Variants in ABCC8 observed in about 807,000 individuals in gnomAD.
The protein encoded by ABCC8 is ATP-binding cassette sub-family C member 8.
Under a neutral mutation model 188.0 loss-of-function variants are expected in ABCC8, and 137 were observed. The observed-to-expected ratio is 0.73, with a 90% CI of 0.63 to 0.84. The LOEUF is 0.84. ABCC8 is among the 40% of genes least tolerant of loss of function. The pLI, the probability that ABCC8 is intolerant of heterozygous loss-of-function variation, is 0.00. For synonymous variants in ABCC8, 797 were observed against 846.5 expected (o/e 0.94, Z 1.01); for missense variants, 1,750 against 2,072.7 (o/e 0.84, Z 3.02).
intron 16 of ABCC8, among the ~76,000 whole-genome samples, chr11:17,419,276 A>G (rs1041426862): frequency 5.3e-5 from 8 of 152,234 alleles, no homozygotes; most frequent in African/African-American, 7.2e-5. Context: ...GGAAGCACAC[A>G]GCTGAAAGCA....
At chr11:17,393,620 C>T (rs1953743958) in intron 38 of ABCC8, 77 bp downstream of exon 38, 3 of 1,599,228 alleles carry the variant, frequency 1.9e-6, no homozygotes, top group African/African-American at 2.7e-5. Flanking sequence ...AGCCCAGGGG[C>T]TGTGCACTGA....
intron 10 of ABCC8, among the ~76,000 whole-genome samples, chr11:17,433,656 A>G (rs1955948926): frequency 6.6e-6 from 1 of 152,198 alleles, no homozygotes. Flanking sequence ...CATGCCCCTT[A>G]GGAGTTCTCA....
At chr11:17,450,384 TC>T (rs1404560823) in intron 7 of ABCC8, among the ~76,000 whole-genome samples, 19,845 of 126,506 alleles carry the variant, frequency 0.16, 4,471 homozygotes, top group Middle Eastern at 0.29. Context: ...TTCTTTCCTT[TC>T]CTTTCCTTCT....
chr11:17,463,653 G>A, intron 3 of ABCC8, 49 bp from the exon 4 acceptor site: 1 of 1,552,770 alleles, frequency 6.4e-7, no homozygotes, highest in Non-Finnish European at 8.7e-7. Context: ...CATCATGTGT[G>A]TACACTCACA....
chr11:17,394,302 G>C lies in ABCC8; in HGVS notation c.4509C>G (p.Ile1503Met), dbSNP rs749114971. The change falls in exon 37 of 39, where the codon ATC becomes ATG. Residue 1503 changes from isoleucine to methionine, a missense_variant. Physicochemically the swap from Ile to Met is conservative, Grantham distance 10. Coordinates refer to ENST00000389817, the MANE Select transcript of ABCC8 (RefSeq NM_000352.6). ...CAATGGAAGCCGTGGCCTCGTCCAT[G>C]ATGAAGATGCTGGTCTTCCTCACGA... ...RAFVRKTSIF[I>M]MDEATASIDM... The C allele has an allele frequency of 6.2e-7, 1 of 1,614,034 alleles. No homozygotes were observed. The highest frequency in any genetic ancestry group is 8.5e-7 in the Non-Finnish European group (1 of 1,180,040).
intron 10 of ABCC8, chr11:17,436,157 C>A: frequency 1.3e-6 from 1 of 751,858 alleles, no homozygotes; most frequent in Non-Finnish European, 2.5e-6. Context: ...TGACAACCAA[C>A]ATGTCTCAGC....
intron 3 of ABCC8, among the ~76,000 whole-genome samples, chr11:17,468,870 C>T (rs1000385430): frequency 6.6e-6 from 1 of 152,156 alleles, no homozygotes; most frequent in East Asian, 1.9e-4. Flanking sequence ...TCAGTAAACA[C>T]CAACCATCAT....
intron 23 of ABCC8, among the ~76,000 whole-genome samples, chr11:17,407,705 T>A (rs1954611471): frequency 2.0e-5 from 3 of 152,194 alleles, no homozygotes; most frequent in Non-Finnish European, 4.4e-5. Context: ...TTCAGGTGGA[T>A]CTGGCTCCCA....
intron 7 of ABCC8, among the ~76,000 whole-genome samples, chr11:17,450,240 TTCTTTTTCTTTCTTTCTTTCTC>T: frequency 1.9e-5 from 1 of 53,192 alleles, no homozygotes; most frequent in Non-Finnish European, 3.5e-5. Flanking sequence ...CTCCTTTCTT[TTCTTTTTCTTTCTTTCTTTCTC>T]TTTCTTTCTT....
At chr11:17,432,268 G>A (rs766790864) in intron 10 of ABCC8, 24 bp from the exon 11 acceptor site, 24 of 1,551,956 alleles carry the variant, frequency 1.5e-5, no homozygotes, top group East Asian at 1.5e-4. Flanking sequence ...ACAGGGAGGC[G>A]TTTAGTGGGA....
intron 10 of ABCC8, among the ~76,000 whole-genome samples, chr11:17,436,951 C>T (rs1488512142): frequency 6.6e-5 from 10 of 151,864 alleles, no homozygotes; most frequent in African/African-American, 1.2e-4. Flanking sequence ...ATTAGCCAGG[C>T]GTGGTGGCGC....
chr11:17,476,593 C>G (rs1050188753), intron 1 of ABCC8, 36 bp downstream of exon 1: 15 of 1,604,882 alleles, frequency 9.3e-6, no homozygotes, highest in African/African-American at 1.3e-5. Context: ...CCCTGCTCTC[C>G]CGTCCCCTCC....
intron 16 of ABCC8, among the ~76,000 whole-genome samples, chr11:17,420,311 C>T (rs756457946): frequency 2.6e-5 from 4 of 152,216 alleles, no homozygotes; most frequent in Admixed American, 6.5e-5. Context: ...ATTGTCCAGA[C>T]AGTGAGTCTG....
chr11:17,428,463 C>T (rs1378868127), intron 13 of ABCC8, 58 bp from the exon 14 acceptor site: 11 of 1,602,354 alleles, frequency 6.9e-6, no homozygotes, highest in East Asian at 6.7e-5. Context: ...GGGAAGGGAG[C>T]CCCTCTTCCT....
chr11:17,434,984 C>CGCGTGTGTGTGTGT (rs71457876), intron 10 of ABCC8, among the ~76,000 whole-genome samples: 2,337 of 144,706 alleles, frequency 0.016, 23 homozygotes, highest in African/African-American at 0.018. Flanking sequence ...CGTGTGTTCG[C>CGCGTGTGTGTGTGT]GTGTGTGTGT....
At chr11:17,421,250 G>C (rs1955327598) in intron 16 of ABCC8, among the ~76,000 whole-genome samples, 1 of 152,210 alleles carries the variant, frequency 6.6e-6, no homozygotes, top group South Asian at 2.1e-4. Flanking sequence ...TCAGAGTCAT[G>C]GAGGAGACAG....
At chr11:17,454,908 GC>G (rs1749457260) in intron 6 of ABCC8, among the ~76,000 whole-genome samples, 1 of 152,074 alleles carries the variant, frequency 6.6e-6, no homozygotes, top group Non-Finnish European at 1.5e-5. Flanking sequence ...ATGGAAACTT[GC>G]CCCCCTGGCT....
chr11:17,434,974 C>T lies in ABCC8; in HGVS notation c.1631-2730G>A, dbSNP rs531919340. Among the ~76,000 whole-genome samples, 37 of 120,728 alleles carry T rather than the reference C, an allele frequency of 3.1e-4. No homozygotes were observed. In the East Asian group the frequency reaches 8.6e-3, roughly 28 times the overall value. The allele number at this position is 120,728 out of a possible 152,430, so 79.2% of individuals were successfully genotyped here. On this transcript the variant is annotated intron_variant, in intron 10 of 38. Transcript: ENST00000389817. Reference sequence around the variant, plus strand: ...GCTGGGAGAGTAGAATCATCAGCTGCGTGTGTTCGCGTGTGTGTGTGTGTG... The same window carrying T: ...GCTGGGAGAGTAGAATCATCAGCTGTGTGTGTTCGCGTGTGTGTGTGTGTG...
rs1338356001 is a variant in ABCC8, at chr11:17,419,911, T to G, written c.2223-2949A>C. Among the ~76,000 whole-genome samples the G allele has an allele frequency of 3.3e-5, 5 of 152,256 alleles. No individual in the cohort carries two copies. The South Asian group carries it at 6.2e-4, about 19-fold the overall frequency. On this transcript the variant is annotated intron_variant, in intron 16 of 38. Transcript: ENST00000389817. Reference sequence around the variant, plus strand: ...ACTTGGAGGAGCCTCTGTTTCCTGATCTATAAAATGGGGGTGAAGGCACAA... The same window carrying G: ...ACTTGGAGGAGCCTCTGTTTCCTGAGCTATAAAATGGGGGTGAAGGCACAA...
Sources: allele counts gnomAD v4.1 joint callset (sites outside exome capture counted in the v4.1 genomes callset), GRCh38; gene constraint gnomAD v4.1.1; transcripts MANE v1.5; gene names NCBI Gene and HGNC (gene_info 2026-07-23, HGNC 2026-07-21).